Variants in DPYSL2 observed in about 807,000 individuals in gnomAD.
The protein encoded by DPYSL2 is dihydropyrimidinase-related protein 2.
In DPYSL2, 13 loss-of-function variants were observed where a neutral mutation model predicts 69.9. The ratio of observed to expected loss-of-function variants is 0.19; its 90% CI spans 0.12 to 0.30. The LOEUF is 0.30. DPYSL2 is among the 10% of genes least tolerant of loss of function. The pLI is 1.00. For synonymous variants in DPYSL2, 326 were observed against 359.1 expected, an observed-to-expected ratio of 0.91 and a Z score of 1.04; for missense variants, 587 against 918.9, an observed-to-expected ratio of 0.64 and a Z score of 4.67.
intron 3 of DPYSL2, among the ~76,000 whole-genome samples, chr8:26,599,287 A>T (rs1325205501): frequency 6.6e-6 from 1 of 152,146 alleles, no homozygotes; most frequent in African/African-American, 2.4e-5. Flanking sequence ...CTTGACAGAA[A>T]TCCCCTATTT....
chr8:26,579,803 G>T (rs1189515207), intron 1 of DPYSL2, among the ~76,000 whole-genome samples: 2 of 152,198 alleles, frequency 1.3e-5, no homozygotes, highest in African/African-American at 4.8e-5. Context: ...TCTGGGGAGG[G>T]AGGATGGAAA....
Position 26,641,454 on chromosome 8 carries a change from G to A in DPYSL2, c.1127-1985G>A, listed in dbSNP as rs1377075941. On this transcript the variant is annotated intron_variant, in intron 8 of 13. Coordinates refer to ENST00000521913, the MANE Select transcript of DPYSL2 (RefSeq NM_001197293.3). This position sits in a 1 kb window ranked among gnomAD's most constrained non-coding sequence, Gnocchi z 4.1. ...GTTTGATCCTTGAACCAAAAGCGGG[G>A]AGCCAGAGAGATCCTTTGAGAACTG... is the stretch of plus-strand genomic sequence containing the variant. Among the ~76,000 whole-genome samples the A allele has an allele frequency of 6.6e-6, 1 of 152,218 alleles. No homozygotes were observed. The highest frequency in any genetic ancestry group is 1.9e-4 in the East Asian group (1 of 5,196).
At chr8:26,555,877 T>C (rs917844037) in intron 1 of DPYSL2, among the ~76,000 whole-genome samples, 11 of 143,966 alleles carry the variant, frequency 7.6e-5, no homozygotes, top group Admixed American at 1.5e-4. Context: ...AAATTATATA[T>C]ATACTTGTAT....
chr8:26,583,711 T>G, intron 2 of DPYSL2, 88 bp from the exon 3 acceptor site: 1 of 1,214,654 alleles, frequency 8.2e-7, no homozygotes, highest in Non-Finnish European at 1.2e-6. Context: ...GAGCGGAGGA[T>G]AGTTTATAGG....
intron 1 of DPYSL2, among the ~76,000 whole-genome samples, chr8:26,552,413 A>G (rs1563383268): frequency 6.6e-6 from 1 of 152,250 alleles, no homozygotes; most frequent in African/African-American, 2.4e-5. Context: ...AATGGCATTG[A>G]AAACAGGAAA....
At chr8:26,576,876 C>T (rs1390825812) in intron 1 of DPYSL2, among the ~76,000 whole-genome samples, 1 of 152,228 alleles carries the variant, frequency 6.6e-6, no homozygotes, top group Non-Finnish European at 1.5e-5. Context: ...GGGATCGCAG[C>T]AGCTGCCCCC....
rs1465817616 is a variant in DPYSL2 at position 26,655,667 on chromosome 8, G to GC, written c.2001dup (p.Gly668ArgfsTer31). On this transcript the variant is annotated frameshift_variant, in exon 14 of 14. Coordinates refer to ENST00000521913, the MANE Select transcript of DPYSL2 (RefSeq NM_001197293.3). LOFTEE classifies it high-confidence loss of function. ...GCCGCACCACCCAGCGTATCGTGGC[G>GC]CCCCCCGGTGGCCGTGCCAACATCA... 2 of 1,608,608 alleles carry GC rather than the reference G, an allele frequency of 1.2e-6. No homozygotes were observed. Among genetic ancestry groups the GC allele is most frequent in the Non-Finnish European group, 8.5e-7 (1 of 1,179,064 alleles).
chr8:26,591,048 TG>T lies in DPYSL2; in HGVS notation c.628+7067del, dbSNP rs1801714336. Among the ~76,000 whole-genome samples, 1 of 152,202 alleles carries T rather than the reference TG, an allele frequency of 6.6e-6. No homozygotes were observed. Among genetic ancestry groups the T allele is most frequent in the Non-Finnish European group, 1.5e-5 (1 of 68,034 alleles). On this transcript the variant is annotated intron_variant, in intron 3 of 13. Transcript: ENST00000521913. The surrounding 1 kb of genome is among the most constrained non-coding windows in gnomAD (Gnocchi z 5.8). ...CTTGCCCCCACCTGGCCCTGGGAGC[TG>T]GCAGTTACAGTGCTGGAAATGAGCC...
intron 1 of DPYSL2, among the ~76,000 whole-genome samples, chr8:26,538,933 T>C (rs536796162): frequency 6.6e-6 from 1 of 152,334 alleles, no homozygotes; most frequent in African/African-American, 2.4e-5. Flanking sequence ...CTCTGCAACC[T>C]TGGCCACTAA....
intron 3 of DPYSL2, among the ~76,000 whole-genome samples, chr8:26,595,351 C>G (rs926247035): frequency 6.6e-6 from 1 of 151,968 alleles, no homozygotes; most frequent in South Asian, 2.1e-4. Flanking sequence ...GAATTTGGAG[C>G]CTGATTTTCT....
Position 26,647,543 on chromosome 8 carries a change from G to A in DPYSL2, c.1426-87G>A, listed in dbSNP as rs547045530. 4,946 of 1,394,666 alleles carry A rather than the reference G, an allele frequency of 3.5e-3. 10 individuals carry two copies. The highest frequency in any genetic ancestry group is 4.4e-3 in the Non-Finnish European group (4,473 of 1,022,480). 86.4% of individuals were successfully genotyped at this position (1,394,666 alleles called of 1,614,324 possible). On this transcript the variant is annotated intron_variant, in intron 10 of 13. Coordinates refer to ENST00000521913, the MANE Select transcript of DPYSL2 (RefSeq NM_001197293.3). This position sits in a 1 kb window ranked among gnomAD's most constrained non-coding sequence, Gnocchi z 5.1. ...TCTTGACATCCATCTAAGCTGTCGT[G>A]TGTATCAATAGTTTGTTATTGAAAA...
intron 3 of DPYSL2, among the ~76,000 whole-genome samples, chr8:26,607,650 C>T (rs1802135886): frequency 2.0e-5 from 3 of 151,466 alleles, no homozygotes; most frequent in African/African-American, 7.3e-5. Flanking sequence ...ATTACCTGGA[C>T]ATGGTTTTGT....
intron 3 of DPYSL2, among the ~76,000 whole-genome samples, chr8:26,592,656 T>A (rs1322033133): frequency 6.6e-6 from 1 of 151,560 alleles, no homozygotes. Context: ...TTTTTGTATT[T>A]AGTAGAGATG....
At chr8:26,569,852 T>C (rs559916346) in intron 1 of DPYSL2, among the ~76,000 whole-genome samples, 3 of 152,014 alleles carry the variant, frequency 2.0e-5, no homozygotes, top group East Asian at 1.9e-4. Context: ...AGGACATCAG[T>C]GTGCTATGGC....
Position 26,644,881 on chromosome 8 carries a change from A to G in DPYSL2, c.1425+790A>G, listed in dbSNP as rs139769701. Among the ~76,000 whole-genome samples, 3 of 152,212 alleles carry G rather than the reference A, an allele frequency of 2.0e-5. No homozygotes were observed. The East Asian group carries it at 5.8e-4, about 29-fold the overall frequency. On this transcript the variant is annotated intron_variant, in intron 10 of 13. Coordinates refer to ENST00000521913, the MANE Select transcript of DPYSL2 (RefSeq NM_001197293.3). This position sits in a 1 kb window ranked among gnomAD's most constrained non-coding sequence, Gnocchi z 4.5. ...AGGATCTTTGGGCTTTTTCATTTTA[A>G]TGTTTTAAAATATATTAACAGAATA...
intron 1 of DPYSL2, among the ~76,000 whole-genome samples, chr8:26,537,611 T>TGCACACACACACAC (rs141281802): frequency 6.8e-6 from 1 of 147,546 alleles, no homozygotes; most frequent in Non-Finnish European, 1.5e-5. Flanking sequence ...ATTCTCTCTC[T>TGCACACACACACAC]ACACACACAC....
rs1800960800 is a variant in DPYSL2, at chr8:26,556,192, T to TTATATATACTATATATATAGTA, written c.355-25758_355-25757insGTATATATATACTATATATATA. On this transcript the variant is annotated intron_variant, in intron 1 of 13. Transcript: ENST00000521913. ...CTATATATAGTATATACTATATATA[T>TTATATATACTATATATATAGTA]TATATATACTATATATATACTATAT... Among the ~76,000 whole-genome samples, 24 of 9,026 alleles carry TTATATATACTATATATATAGTA rather than the reference T, an allele frequency of 2.7e-3. 6 individuals are homozygous for TTATATATACTATATATATAGTA. Among genetic ancestry groups the TTATATATACTATATATATAGTA allele is most frequent in the African/African-American group, 8.3e-3 (23 of 2,782 alleles). 5.9% of individuals were successfully genotyped at this position (9,026 alleles called of 152,430 possible).
intron 1 of DPYSL2, among the ~76,000 whole-genome samples, chr8:26,568,262 G>A (rs1176019433): frequency 6.6e-6 from 1 of 152,146 alleles, no homozygotes; most frequent in Non-Finnish European, 1.5e-5. Flanking sequence ...CCCAAGCCTA[G>A]GTAGAGGGGC....
chr8:26,613,290 C>A (rs1802277284), intron 3 of DPYSL2, among the ~76,000 whole-genome samples: 1 of 152,216 alleles, frequency 6.6e-6, no homozygotes, highest in South Asian at 2.1e-4. Context: ...CCTTCCCTAC[C>A]CACAGTCTCC....
Sources: allele counts gnomAD v4.1 joint callset (sites outside exome capture counted in the v4.1 genomes callset), GRCh38; gene constraint gnomAD v4.1.1; non-coding constraint Gnocchi (gnomAD v3.1); transcripts MANE v1.5; gene names NCBI Gene and HGNC (gene_info 2026-07-23, HGNC 2026-07-21).